MAF: variants seen among roughly 807,000 people sequenced by gnomAD.
The protein encoded by MAF is MAF bZIP transcription factor.
A neutral mutation model predicts 22.0 loss-of-function variants in MAF; 10 were observed. That is an observed-to-expected ratio of 0.45 (90% confidence interval 0.28 to 0.77). The LOEUF (loss-of-function observed/expected upper bound fraction) is 0.77, where lower values mean the gene tolerates loss of function less well. MAF is among the 30% of genes least tolerant of loss of function. The pLI, the probability that MAF is intolerant of heterozygous loss-of-function variation, is 0.12. For synonymous variants in MAF, 337 were observed against 255.8 expected (o/e 1.32, Z -3.03); for missense variants, 544 against 548.4 (o/e 0.99, Z 0.08).
the MAF span, among the ~76,000 whole-genome samples, chr16:79,395,604 G>A: frequency 1.3e-5 from 2 of 152,136 alleles, no homozygotes; most frequent in African/African-American, 4.8e-5. Flanking sequence ...GCAAGTCAAG[G>A]AATGCCGGAG....
chr16:79,414,253 A>G, the MAF span, among the ~76,000 whole-genome samples: 1 of 152,172 alleles, frequency 6.6e-6, no homozygotes, highest in African/African-American at 2.4e-5. Context: ...AAAGAGATTT[A>G]TTTGGCTTAC....
chr16:79,278,644 T>G, the MAF span, among the ~76,000 whole-genome samples: 2 of 152,108 alleles, frequency 1.3e-5, no homozygotes, highest in East Asian at 1.9e-4. Flanking sequence ...CTAGCCTCCT[T>G]GAGTGCCGGG....
chr16:79,589,105 T>C (rs1257553634), downstream of MAF, among the ~76,000 whole-genome samples: 1 of 152,172 alleles, frequency 6.6e-6, no homozygotes, highest in East Asian at 1.9e-4. Context: ...AGTAGATTTT[T>C]TTTAAGGTGT....
the MAF span, among the ~76,000 whole-genome samples, chr16:79,474,322 T>C: frequency 3.3e-5 from 5 of 152,218 alleles, no homozygotes; most frequent in Admixed American, 6.5e-5. Flanking sequence ...TTTATAAAAA[T>C]GCCTATCTCC....
At chr16:79,561,584 G>A in the MAF span, among the ~76,000 whole-genome samples, 1 of 151,100 alleles carries the variant, frequency 6.6e-6, no homozygotes, top group Non-Finnish European at 1.5e-5. Context: ...TTTTGTCCTT[G>A]CGATAGTTTG....
the MAF span, among the ~76,000 whole-genome samples, chr16:79,346,128 T>C: frequency 6.6e-6 from 1 of 151,934 alleles, no homozygotes; most frequent in Non-Finnish European, 1.5e-5. Context: ...GCTGCACCCA[T>C]TAACTCATCA....
the MAF span, among the ~76,000 whole-genome samples, chr16:79,250,328 C>T: frequency 6.6e-6 from 1 of 152,222 alleles, no homozygotes; most frequent in African/African-American, 2.4e-5. Context: ...TTCATGCCTA[C>T]GCTTTTAAGG....
chr16:79,600,062 T>G lies in MAF; in HGVS notation c.-160A>C. The G allele has an allele frequency of 1.8e-5, 16 of 899,474 alleles. No homozygotes were observed. The highest frequency in any genetic ancestry group is 2.5e-5 in the Non-Finnish European group (15 of 601,344). The allele number at this position is 899,474 out of a possible 1,614,324, so 55.7% of individuals were successfully genotyped here. A position where few individuals can be genotyped will look rare whatever the true frequency, so the allele number is the denominator to read the frequency against. ...GCTGGCCCGAAACCTCCGAGCGCGC[T>G]CACACACACACCCCCCCGCCCTGCC... On this transcript the variant is annotated 5_prime_UTR_variant, in exon 1 of 2. Transcript: ENST00000326043.
chr16:79,466,913 G>A, the MAF span, among the ~76,000 whole-genome samples: 1 of 152,162 alleles, frequency 6.6e-6, no homozygotes, highest in East Asian at 1.9e-4. Flanking sequence ...GTGGAAGAGG[G>A]GACCACGGAG....
At chr16:79,339,003 G>A in the MAF span, among the ~76,000 whole-genome samples, 1 of 152,088 alleles carries the variant, frequency 6.6e-6, no homozygotes, top group Non-Finnish European at 1.5e-5. Flanking sequence ...CAAGGAAGGT[G>A]AATGTAATGT....
chr16:79,306,719 T>G, the MAF span, among the ~76,000 whole-genome samples: 1 of 152,158 alleles, frequency 6.6e-6, no homozygotes, highest in Non-Finnish European at 1.5e-5. Flanking sequence ...ATCATCACTT[T>G]CGTTCTTATC....
the MAF span, among the ~76,000 whole-genome samples, chr16:79,278,935 G>T: frequency 1.3e-5 from 2 of 152,178 alleles, no homozygotes; most frequent in African/African-American, 2.4e-5. Context: ...CCATGGAAAA[G>T]TTGTAGGCTG....
rs1016285398 is a variant in MAF at position 79,597,111 on chromosome 16, T to A, written c.1118+1674A>T. ...ATTTAAGTTGCAAGCACATGCTGTA[T>A]AAGCTACTTTTTTTAAACAGTCCCC... On this transcript the variant is annotated intron_variant, in intron 1 of 1. Transcript: ENST00000326043. 7.9e-5 allele frequency: 84 copies of A among 1,058,984 alleles called. No homozygotes were observed. In the African/African-American group the frequency reaches 1.3e-3, roughly 16 times the overall value. 65.6% of individuals were successfully genotyped at this position (1,058,984 alleles called of 1,614,324 possible).
chr16:79,482,796 G>C, the MAF span, among the ~76,000 whole-genome samples: 3 of 151,682 alleles, frequency 2.0e-5, no homozygotes, highest in South Asian at 6.3e-4. Flanking sequence ...GCAGCTTCTT[G>C]CAGCAGATGC....
chr16:79,569,014 G>A, the MAF span, among the ~76,000 whole-genome samples: 6 of 152,188 alleles, frequency 3.9e-5, no homozygotes, highest in African/African-American at 1.2e-4. Flanking sequence ...AGAAGGTTAA[G>A]CATGTCTACC....
At chr16:79,560,864 A>G in the MAF span, among the ~76,000 whole-genome samples, 10 of 152,298 alleles carry the variant, frequency 6.6e-5, no homozygotes, top group East Asian at 1.9e-3. Flanking sequence ...GTGGCGGGAA[A>G]TAGGGGGAAC....
the MAF span, among the ~76,000 whole-genome samples, chr16:79,271,446 C>T: frequency 9.9e-5 from 15 of 152,206 alleles, no homozygotes; most frequent in African/African-American, 3.6e-4. Flanking sequence ...TCATGTAAAA[C>T]TTTCAGGATG....
the MAF span, among the ~76,000 whole-genome samples, chr16:79,399,978 C>A: frequency 7.6e-6 from 1 of 132,156 alleles, no homozygotes; most frequent in Admixed American, 7.1e-5. Context: ...ACATCATAAC[C>A]AAGACCACCA....
downstream of MAF, among the ~76,000 whole-genome samples, chr16:79,580,952 G>A (rs890107902): frequency 2.0e-5 from 3 of 152,132 alleles, no homozygotes; most frequent in African/African-American, 7.2e-5. Flanking sequence ...TGAGAAAGCA[G>A]TTCTTAGTTT....
Sources: gnomAD v4.1 joint callset for allele counts (sites outside exome capture counted in the v4.1 genomes callset) on GRCh38, gnomAD v4.1.1 for gene constraint, MANE v1.5 for transcripts, NCBI Gene and HGNC (gene_info 2026-07-23, HGNC 2026-07-21) for gene names.